ADCYAP1R1: variants seen among roughly 807,000 people sequenced by gnomAD.
The protein encoded by ADCYAP1R1 is ADCYAP receptor type I.
Under a neutral mutation model 67.6 loss-of-function variants are expected in ADCYAP1R1, and 44 were observed. The ratio of observed to expected loss-of-function variants is 0.65; its 90% confidence interval spans 0.51 to 0.84. The LOEUF is 0.84. Among genes scored for constraint, ADCYAP1R1 ranks in the 40% least tolerant of loss-of-function variants. The probability of loss-of-function intolerance (pLI) is 0.00; values close to 1 mark genes in which losing one functional copy is unlikely to be tolerated. For missense variants in ADCYAP1R1, 477 were observed against 587.9 expected (o/e 0.81, Z 1.95); for synonymous variants, 222 against 219.6 (o/e 1.01, Z -0.10).
chr7:31,100,296 G>A (rs1377143204), intron 13 of ADCYAP1R1: 5 of 1,338,566 alleles, frequency 3.7e-6, no homozygotes, highest in Non-Finnish European at 5.2e-6. Flanking sequence ...GAGGAGAGTG[G>A]AGAGCCAGCC....
chr7:31,092,944 T>C (rs1272109651), intron 13 of ADCYAP1R1, among the ~76,000 whole-genome samples: 1 of 151,996 alleles, frequency 6.6e-6, no homozygotes, highest in Non-Finnish European at 1.5e-5. Context: ...GGCCATCATA[T>C]GGATGGGCAG....
At chr7:31,100,129 G>A in intron 13 of ADCYAP1R1, 2 of 1,550,566 alleles carry the variant, frequency 1.3e-6, no homozygotes, top group Non-Finnish European at 1.7e-6. Flanking sequence ...ACACCCAGCA[G>A]CTGCGTGCAG....
intron 1 of ADCYAP1R1, among the ~76,000 whole-genome samples, chr7:31,052,965 G>A (rs1017276845): frequency 1.3e-5 from 2 of 152,234 alleles, no homozygotes; most frequent in African/African-American, 4.8e-5. Context: ...AGACTGCCGG[G>A]GTGGGGGTCG....
intron 13 of ADCYAP1R1, among the ~76,000 whole-genome samples, chr7:31,103,002 G>A (rs1796498777): frequency 6.6e-6 from 1 of 152,198 alleles, no homozygotes; most frequent in Non-Finnish European, 1.5e-5. Flanking sequence ...CACATTTTTA[G>A]TGGTTCTACA....
chr7:31,080,127 A>G (rs1481258775), intron 4 of ADCYAP1R1, among the ~76,000 whole-genome samples: 1 of 152,246 alleles, frequency 6.6e-6, no homozygotes, highest in Non-Finnish European at 1.5e-5. Flanking sequence ...AGATTTTCTT[A>G]AGACACACTT....
At chr7:31,060,930 G>T (rs1391286161) in intron 1 of ADCYAP1R1, among the ~76,000 whole-genome samples, 1 of 152,226 alleles carries the variant, frequency 6.6e-6, no homozygotes, top group Non-Finnish European at 1.5e-5. Flanking sequence ...CAACACTGCT[G>T]CCCGAACCAC....
chr7:31,098,420 C>T (rs1796294590), intron 13 of ADCYAP1R1, among the ~76,000 whole-genome samples: 1 of 152,160 alleles, frequency 6.6e-6, no homozygotes, highest in South Asian at 2.1e-4. Flanking sequence ...GCTTCTCAAG[C>T]TTTGGCATGC....
chr7:31,058,867 A>G (rs1794372887), intron 1 of ADCYAP1R1, among the ~76,000 whole-genome samples: 1 of 152,086 alleles, frequency 6.6e-6, no homozygotes, highest in Admixed American at 6.5e-5. Flanking sequence ...TCCCAGCCCT[A>G]CCAGGGACTT....
At chr7:31,075,492 C>G (rs928068117) in intron 3 of ADCYAP1R1, among the ~76,000 whole-genome samples, 1 of 152,142 alleles carries the variant, frequency 6.6e-6, no homozygotes, top group Admixed American at 6.5e-5. Flanking sequence ...CTCTGCCACT[C>G]TCTCCTGCTC....
chr7:31,063,636 G>A lies in ADCYAP1R1; in HGVS notation c.51+321G>A, dbSNP rs560831926. On this transcript the variant is annotated intron_variant, in intron 2 of 15. Transcript: ENST00000304166. Reference sequence around the variant, plus strand: ...TGCAGAAGCCTCTTTCAATTTTCTCGTCACCAGCCCACAATGCCCTGCCAG... The same window carrying A: ...TGCAGAAGCCTCTTTCAATTTTCTCATCACCAGCCCACAATGCCCTGCCAG... Among the ~76,000 whole-genome samples, 5 of 152,224 alleles carry A rather than the reference G, an allele frequency of 3.3e-5. No homozygotes were observed. In the East Asian group the frequency reaches 5.8e-4, roughly 18 times the overall value.
chr7:31,068,955 G>C (rs1237055502), intron 3 of ADCYAP1R1, among the ~76,000 whole-genome samples: 1 of 152,204 alleles, frequency 6.6e-6, no homozygotes, highest in East Asian at 1.9e-4. Flanking sequence ...ACACACTTGT[G>C]AAAGATGGGC....
At chr7:31,104,795 C>G in intron 14 of ADCYAP1R1, 73 bp from the exon 15 acceptor site, 1 of 1,532,316 alleles carries the variant, frequency 6.5e-7, no homozygotes, top group Non-Finnish European at 9.0e-7. Flanking sequence ...CTAGAGTCAT[C>G]CCCTCCATGC....
At chr7:31,083,506 GACA>G (rs1041362798) in intron 6 of ADCYAP1R1, among the ~76,000 whole-genome samples, 1 of 152,218 alleles carries the variant, frequency 6.6e-6, no homozygotes, top group Non-Finnish European at 1.5e-5. Context: ...AACTCTGAAA[GACA>G]ACACTTTAAA....
In ADCYAP1R1 at chr7:31,084,250, G is replaced by C. The variant is rs1401765667; in HGVS notation, c.438G>C (p.Gln146His). 3 of 1,613,186 alleles carry C rather than the reference G, an allele frequency of 1.9e-6. No individual in the cohort carries two copies. The South Asian group carries it at 3.3e-5, about 18-fold the overall frequency. ...FDEYESETGD[Q>H]DYYYLSVKAL... ...AATATGAATCTGAGACTGGGGACCA[G>C]GTGAGTGTCTGCACCCTGCTCCCCA... Residue 146 changes from glutamine (Q) to histidine (H), a missense_variant and splice_region_variant, in exon 7 of 16, where the codon CAG becomes CAC. By Grantham distance (24) the Gln-to-His change is conservative (BLOSUM62 0). Coordinates refer to ENST00000304166, the MANE Select transcript of ADCYAP1R1 (RefSeq NM_001118.5).
intron 9 of ADCYAP1R1, among the ~76,000 whole-genome samples, chr7:31,085,805 G>T (rs2128630792): frequency 6.6e-6 from 1 of 152,312 alleles, no homozygotes; most frequent in Admixed American, 6.5e-5. Flanking sequence ...AGCCTGGGAT[G>T]GAGCCCAGGT....
chr7:31,096,262 T>C (rs1313142090), intron 13 of ADCYAP1R1, among the ~76,000 whole-genome samples: 4 of 152,140 alleles, frequency 2.6e-5, no homozygotes, highest in African/African-American at 9.7e-5. Context: ...AACCCATTTG[T>C]ACTCCCATGG....
At chr7:31,081,493 C>T (rs1385315824) in intron 5 of ADCYAP1R1, among the ~76,000 whole-genome samples, 2 of 152,132 alleles carry the variant, frequency 1.3e-5, no homozygotes, top group African/African-American at 4.8e-5. Flanking sequence ...CCTGGACCAT[C>T]CTGAACGTCA....
chr7:31,084,325 A>G (rs936733441), intron 7 of ADCYAP1R1, 75 bp downstream of exon 7: 62 of 1,231,816 alleles, frequency 5.0e-5, no homozygotes, highest in East Asian at 9.3e-5. Context: ...GGCAGCATTC[A>G]TGAGCACCTG....
At chr7:31,065,429 TG>T (rs1353528365) in intron 3 of ADCYAP1R1, among the ~76,000 whole-genome samples, 1 of 152,182 alleles carries the variant, frequency 6.6e-6, no homozygotes, top group Non-Finnish European at 1.5e-5. Context: ...ACGCTTCTCC[TG>T]GGGCTGCCTT....
Sources: gnomAD v4.1 joint callset for allele counts (sites outside exome capture counted in the v4.1 genomes callset) on GRCh38, gnomAD v4.1.1 for gene constraint, MANE v1.5 for transcripts, NCBI Gene and HGNC (gene_info 2026-07-23, HGNC 2026-07-21) for gene names.